Variants in COL22A1 observed in about 807,000 individuals in gnomAD.
COL22A1 encodes the protein collagen type XXII alpha 1 chain, also known as collagen alpha-1(XXII) chain.
In COL22A1, 221 loss-of-function variants were observed where a neutral mutation model predicts 248.9. That is an observed-to-expected ratio of 0.89 (90% CI 0.80 to 0.99). COL22A1 has a LOEUF of 0.99. Among genes scored for constraint, COL22A1 ranks in the 50% least tolerant of loss-of-function variants. The pLI is 0.00. For missense variants in COL22A1, 2,240 were observed against 2,179.0 expected (o/e 1.03, Z -0.56); for synonymous variants, 891 against 793.4 (o/e 1.12, Z -2.07).
chr8:138,861,600 C>T (rs965335941), intron 3 of COL22A1, among the ~76,000 whole-genome samples: 1 of 152,208 alleles, frequency 6.6e-6, no homozygotes, highest in East Asian at 1.9e-4. Flanking sequence ...CTTCCCCTCT[C>T]TCTTGCTGCT....
intron 3 of COL22A1, among the ~76,000 whole-genome samples, chr8:138,858,738 A>C (rs1449326978): frequency 6.6e-6 from 1 of 152,194 alleles, no homozygotes; most frequent in African/African-American, 2.4e-5. Flanking sequence ...GGCAGGCAGG[A>C]AAAACCAAAC....
chr8:138,763,657 C>CA (rs1480169084), intron 16 of COL22A1, among the ~76,000 whole-genome samples: 1 of 152,168 alleles, frequency 6.6e-6, no homozygotes, highest in African/African-American at 2.4e-5. Flanking sequence ...CTCCCACCTG[C>CA]ACCCCAGCAG....
chr8:138,839,302 C>A (rs77531126), intron 4 of COL22A1, among the ~76,000 whole-genome samples: 1 of 152,086 alleles, frequency 6.6e-6, no homozygotes, highest in Non-Finnish European at 1.5e-5. Flanking sequence ...TCAGGACCCA[C>A]GGCGAGGGTA....
rs1176837600 is a variant in COL22A1 at position 138,623,726 on chromosome 8, C to T, written c.3771+6G>A. On this transcript the variant is annotated splice_donor_region_variant and intron_variant, in intron 52 of 64. Coordinates refer to ENST00000303045, the MANE Select transcript of COL22A1 (RefSeq NM_152888.3). ...GTGATATAATAGGAAGTTTAGAGTCCTTTACCGGCTCTCCAGGGGGACCCG... is the reference window on the plus strand; with the variant it reads ...GTGATATAATAGGAAGTTTAGAGTCTTTTACCGGCTCTCCAGGGGGACCCG... The T allele has an allele frequency of 3.1e-6, 5 of 1,610,250 alleles. No homozygotes were observed. The highest frequency in any genetic ancestry group is 4.2e-6 in the Non-Finnish European group (5 of 1,178,658).
chr8:138,598,338 A>G (rs1817715622), intron 61 of COL22A1, among the ~76,000 whole-genome samples: 1 of 152,022 alleles, frequency 6.6e-6, no homozygotes, highest in Non-Finnish European at 1.5e-5. Context: ...TGAAGTTCAG[A>G]CCCCTGGGAG....
chr8:138,788,522 C>T (rs1815742762), intron 12 of COL22A1, among the ~76,000 whole-genome samples: 1 of 152,122 alleles, frequency 6.6e-6, no homozygotes, highest in African/African-American at 2.4e-5. Context: ...CTTTGATGAT[C>T]TATGAATTAT....
intron 57 of COL22A1, among the ~76,000 whole-genome samples, chr8:138,606,799 G>A (rs771995588): frequency 3.9e-5 from 6 of 152,112 alleles, no homozygotes; most frequent in Admixed American, 6.5e-5. Context: ...CCCATGAGGC[G>A]GCCAAAGCTC....
chr8:138,746,532 T>C (rs115286014), intron 22 of COL22A1, among the ~76,000 whole-genome samples: 1 of 152,302 alleles, frequency 6.6e-6, no homozygotes, highest in African/African-American at 2.4e-5. Flanking sequence ...GCTAGCAATA[T>C]CCAAATGACA....
In COL22A1 at chr8:138,826,765, C is replaced by T; in HGVS notation, c.862G>A (p.Gly288Ser). Residue 288 changes from glycine to serine, a missense_variant, in exon 6 of 65, where the codon GGT (glycine) becomes AGT (serine). By Grantham distance (56) the Gly-to-Ser change is moderately conservative. Transcript: ENST00000303045. Reference sequence around the variant, plus strand: ...ACAAAGGCGTACTCATCAGGTAAACCTTGGGGGAACACATCCCTGGAGAAA... The same window carrying T: ...ACAAAGGCGTACTCATCAGGTAAACTTTGGGGGAACACATCCCTGGAGAAA... ...VQSTEDVFPQ[G>S]LPDEYAFVTT... The T allele has an allele frequency of 6.2e-7, 1 of 1,614,084 alleles. No homozygotes were observed. The highest frequency in any genetic ancestry group is 8.5e-7 in the Non-Finnish European group (1 of 1,179,984).
At chr8:138,805,835 GGT>G (rs913943364) in intron 10 of COL22A1, among the ~76,000 whole-genome samples, 9 of 130,564 alleles carry the variant, frequency 6.9e-5, no homozygotes, top group Admixed American at 2.2e-4. Context: ...TGTTTTTGAT[GGT>G]GTGTGTGTAT....
chr8:138,673,135 C>G (rs1286360121), intron 41 of COL22A1, among the ~76,000 whole-genome samples: 1 of 152,098 alleles, frequency 6.6e-6, no homozygotes, highest in African/African-American at 2.4e-5. Context: ...GTCAGTGCTG[C>G]CCTGGATGCC....
chr8:138,859,844 G>T (rs936537634), intron 3 of COL22A1, among the ~76,000 whole-genome samples: 7 of 152,138 alleles, frequency 4.6e-5, no homozygotes, highest in African/African-American at 1.7e-4. Context: ...CCTGGGCTCT[G>T]CTACACCTGC....
chr8:138,703,471 G>A, intron 30 of COL22A1, 124 bp from the exon 31 acceptor site: 2 of 801,320 alleles, frequency 2.5e-6, no homozygotes, highest in Non-Finnish European at 4.2e-6. Context: ...CAGGGTGCAG[G>A]TAGGTGCACC....
intron 3 of COL22A1, among the ~76,000 whole-genome samples, chr8:138,866,364 A>G (rs1241721865): frequency 1.3e-5 from 2 of 152,096 alleles, no homozygotes; most frequent in East Asian, 3.8e-4. Flanking sequence ...TGAATTTCTT[A>G]CATAAATGCA....
At chr8:138,735,069 G>A (rs924558959) in intron 23 of COL22A1, among the ~76,000 whole-genome samples, 3 of 152,166 alleles carry the variant, frequency 2.0e-5, no homozygotes, top group Non-Finnish European at 4.4e-5. Flanking sequence ...TAATGCATGT[G>A]GGACTTAAAA....
intron 9 of COL22A1, among the ~76,000 whole-genome samples, chr8:138,808,734 A>G (rs547629079): frequency 6.6e-6 from 1 of 152,230 alleles, no homozygotes; most frequent in Admixed American, 6.5e-5. Flanking sequence ...AGCAATCTAC[A>G]CTCTGGTCAC....
intron 50 of COL22A1, among the ~76,000 whole-genome samples, chr8:138,627,609 G>T (rs759264425): frequency 6.6e-6 from 1 of 152,170 alleles, no homozygotes; most frequent in Non-Finnish European, 1.5e-5. Context: ...TTGGCAGAGA[G>T]GCTGAAACTT....
intron 45 of COL22A1, among the ~76,000 whole-genome samples, chr8:138,653,476 A>G (rs761222432): frequency 6.6e-6 from 1 of 152,190 alleles, no homozygotes; most frequent in Admixed American, 6.5e-5. Flanking sequence ...TGTCTTGCCC[A>G]TCTATGCTTA....
chr8:138,792,407 C>T (rs921814558), intron 12 of COL22A1, among the ~76,000 whole-genome samples: 6 of 152,232 alleles, frequency 3.9e-5, no homozygotes, highest in African/African-American at 1.4e-4. Context: ...GGTGAGCCTG[C>T]TCTCTACTCA....
Sources: gnomAD v4.1 joint callset for allele counts (sites outside exome capture counted in the v4.1 genomes callset) on GRCh38, gnomAD v4.1.1 for gene constraint, MANE v1.5 for transcripts, NCBI Gene and HGNC (gene_info 2026-07-23, HGNC 2026-07-21) for gene names.